Variants in ITCH observed in about 807,000 individuals in gnomAD.
ITCH encodes the protein itchy E3 ubiquitin protein ligase.
Under a neutral mutation model 126.8 loss-of-function variants are expected in ITCH, and 28 were observed. The ratio of observed to expected loss-of-function variants is 0.22; its 90% CI spans 0.16 to 0.30. ITCH has a LOEUF of 0.30. ITCH is among the 10% of genes least tolerant of loss of function. The pLI, the probability that ITCH is intolerant of heterozygous loss-of-function variation, is 1.00. For synonymous variants in ITCH, 342 were observed against 340.0 expected, an observed-to-expected ratio of 1.01 and a Z score of -0.06; for missense variants, 631 against 1,032.4, an observed-to-expected ratio of 0.61 and a Z score of 5.33.
At chr20:34,374,199 A>G (rs2037749389) in intron 2 of ITCH, among the ~76,000 whole-genome samples, 1 of 152,186 alleles carries the variant, frequency 6.6e-6, no homozygotes, top group Admixed American at 6.6e-5. Flanking sequence ...TCATTCGTGC[A>G]AAGAAAGAGT....
At chr20:34,457,272 T>C in intron 12 of ITCH, 118 bp from the exon 13 acceptor site, 1 of 738,194 alleles carries the variant, frequency 1.4e-6, no homozygotes, top group Non-Finnish European at 2.4e-6. Context: ...ATTTAAAAAC[T>C]ATAAAATAAA....
rs1568842163 is a variant in ITCH, at chr20:34,364,381, G to GCCA, written c.-99+1033_-99+1035dup. 4.6e-5 allele frequency among the ~76,000 whole-genome samples: 7 copies of GCCA among 152,150 alleles called. No individual in the cohort carries two copies. The South Asian group carries it at 1.5e-3, about 32-fold the overall frequency. On this transcript the variant is annotated intron_variant, in intron 1 of 24. Coordinates refer to ENST00000374864, the MANE Select transcript of ITCH (RefSeq NM_031483.7). ...CCTTGAAAATTAGTAAGACCCTGGA[G>GCCA]CCAGCCACCCACTTAGGTGGGTTCT... is the stretch of plus-strand genomic sequence containing the variant.
At chr20:34,387,049 T>C (rs755965886) in intron 2 of ITCH, among the ~76,000 whole-genome samples, 5 of 152,136 alleles carry the variant, frequency 3.3e-5, no homozygotes, top group Non-Finnish European at 7.4e-5. Context: ...ATGCCTGTAA[T>C]CTCAGCACTT....
At chr20:34,493,806 CAGA>C (rs1280880665) in intron 23 of ITCH, among the ~76,000 whole-genome samples, 1 of 152,146 alleles carries the variant, frequency 6.6e-6, no homozygotes, top group Non-Finnish European at 1.5e-5. Flanking sequence ...TAAGAGGAAA[CAGA>C]AGAAGTTGAA....
chr20:34,474,782 C>T (rs1342403541), intron 16 of ITCH, among the ~76,000 whole-genome samples: 2 of 113,266 alleles, frequency 1.8e-5, no homozygotes, highest in East Asian at 2.4e-4. Flanking sequence ...GGCGGCTGGC[C>T]GGGCGGGGGG....
At chr20:34,480,476 A>G in intron 18 of ITCH, 123 bp from the exon 19 acceptor site, 4 of 1,160,952 alleles carry the variant, frequency 3.4e-6, no homozygotes, top group Non-Finnish European at 5.1e-6. Context: ...TGCTGGGATT[A>G]CAGGCGTGAG....
chr20:34,387,525 G>A (rs796333007), intron 2 of ITCH, among the ~76,000 whole-genome samples: 17 of 151,858 alleles, frequency 1.1e-4, no homozygotes, highest in African/African-American at 4.1e-4. Flanking sequence ...CAGTTACTCA[G>A]GAGGCTGAAG....
intron 2 of ITCH, among the ~76,000 whole-genome samples, chr20:34,372,312 C>A (rs1044313832): frequency 0.05 from 3,610 of 71,802 alleles, 1 homozygote; most frequent in Middle Eastern, 0.11. Context: ...TACTTTGTCT[C>A]AAAAAAAAAA....
chr20:34,467,214 G>C (rs1435346361), intron 14 of ITCH, among the ~76,000 whole-genome samples: 1 of 152,138 alleles, frequency 6.6e-6, no homozygotes, highest in Non-Finnish European at 1.5e-5. Flanking sequence ...CCCTATAGCT[G>C]ATAAATCAAA....
chr20:34,484,302 G>A (rs1381906126), intron 20 of ITCH, among the ~76,000 whole-genome samples: 1 of 152,084 alleles, frequency 6.6e-6, no homozygotes. Flanking sequence ...GTTAAATTTT[G>A]CATATTTACT....
intron 16 of ITCH, 113 bp from the exon 17 acceptor site, chr20:34,477,659 C>T (rs1368235207): frequency 2.3e-6 from 2 of 874,700 alleles, no homozygotes; most frequent in Non-Finnish European, 1.9e-6. Flanking sequence ...GAACACCTTT[C>T]TGTGTCATGG....
chr20:34,486,664 A>C (rs796894495), intron 20 of ITCH, among the ~76,000 whole-genome samples: 8 of 109,058 alleles, frequency 7.3e-5, no homozygotes, highest in Non-Finnish European at 1.6e-4. Context: ...TATTTTATTT[A>C]TTTTATTTAT....
At chr20:34,442,798 C>A (rs1983926647) in intron 10 of ITCH, among the ~76,000 whole-genome samples, 1 of 151,218 alleles carries the variant, frequency 6.6e-6, no homozygotes, top group Admixed American at 6.6e-5. Flanking sequence ...GTGGTGAAAC[C>A]CCGTTTCTAC....
At chr20:34,410,139 A>G (rs6088489) in intron 4 of ITCH, among the ~76,000 whole-genome samples, 83,809 of 151,690 alleles carry the variant, frequency 0.55, 23,718 homozygotes, top group African/African-American at 0.65. Flanking sequence ...AGGCCAAGGT[A>G]GGAGGATCAC....
intron 7 of ITCH, among the ~76,000 whole-genome samples, chr20:34,430,629 G>A (rs1982159847): frequency 6.6e-6 from 1 of 151,982 alleles, no homozygotes; most frequent in Admixed American, 6.6e-5. Flanking sequence ...TGCACCACTA[G>A]ACTTGGCTAA....
chr20:34,369,137 G>A (rs1356129824), intron 1 of ITCH, among the ~76,000 whole-genome samples: 1 of 152,148 alleles, frequency 6.6e-6, no homozygotes. Context: ...AGACCAGCCT[G>A]ACCAATATGG....
intron 23 of ITCH, among the ~76,000 whole-genome samples, chr20:34,495,921 TAAA>T (rs35357680): frequency 2.0e-5 from 1 of 49,958 alleles, no homozygotes; most frequent in Non-Finnish European, 3.9e-5. Context: ...CTGAAAATAC[TAAA>T]AAAAAAAAAA....
chr20:34,444,798 A>G (rs1984236307), intron 10 of ITCH, among the ~76,000 whole-genome samples: 1 of 151,972 alleles, frequency 6.6e-6, no homozygotes, highest in Non-Finnish European at 1.5e-5. Flanking sequence ...GCGCCACCAC[A>G]CCTGGCTAAT....
intron 12 of ITCH, among the ~76,000 whole-genome samples, chr20:34,456,585 A>T (rs1986019825): frequency 6.8e-6 from 1 of 146,262 alleles, no homozygotes; most frequent in South Asian, 2.2e-4. Flanking sequence ...GTGAGCTGAG[A>T]TCACGCCACT....
Sources: allele counts gnomAD v4.1 joint callset (sites outside exome capture counted in the v4.1 genomes callset), GRCh38; gene constraint gnomAD v4.1.1; transcripts MANE v1.5; gene names NCBI Gene and HGNC (gene_info 2026-07-23, HGNC 2026-07-21).